GBP3: variants seen among roughly 807,000 people sequenced by gnomAD.
GBP3 encodes guanylate binding protein 3, also known as guanylate-binding protein 3.
A neutral mutation model predicts 62.4 loss-of-function variants in GBP3; 55 were observed. The observed-to-expected ratio is 0.88, with a 90% confidence interval of 0.71 to 1.10. The LOEUF (loss-of-function observed/expected upper bound fraction) is 1.10, where lower values mean the gene tolerates loss of function less well. Among genes scored for constraint, GBP3 ranks in the 50% least tolerant of loss-of-function variants. The probability of loss-of-function intolerance (pLI) is 0.00; values close to 1 mark genes in which losing one functional copy is unlikely to be tolerated. For synonymous variants in GBP3, 208 were observed against 259.2 expected (o/e 0.80, Z 1.90); for missense variants, 605 against 690.6 (o/e 0.88, Z 1.39).
Position 89,007,770 on chromosome 1 carries a change from A to G in GBP3, c.1742T>C (p.Leu581Pro), listed in dbSNP as rs114910977. The G allele has an allele frequency of 0.013, 20,373 of 1,608,236 alleles. 174 individuals carry two copies. The highest frequency in any genetic ancestry group is 0.015 in the Non-Finnish European group (18,200 of 1,177,268). Reference sequence around the variant, plus strand: ...CATATATCTCTTGGTTTTTTTTTTCAGGGTCTTCTGTAGCTTTTGTATCTC... The same window carrying G: ...CATATATCTCTTGGTTTTTTTTTTCGGGGTCTTCTGTAGCTTTTGTATCTC... ...QNEIQKLQKT[L>P]KKKTKRYMSH... Residue 581 changes from leucine to proline, a missense_variant, in exon 11 of 11, where the codon CTG becomes CCG. This residue lies in a region of GBP3 where 160 missense variants were observed against 147.8 expected (regional missense o/e 1.08). Transcript: ENST00000370481.
rs12089179 is a variant in GBP3, at chr1:89,007,370, G to C, written c.*354C>G. 515 of 191,716 alleles carry C rather than the reference G, an allele frequency of 2.7e-3. 7 individuals are homozygous for C. Among genetic ancestry groups the C allele is most frequent in the African/African-American group, 0.012 (498 of 42,290 alleles). 11.9% of individuals were successfully genotyped at this position (191,716 alleles called of 1,614,324 possible). ...TCTTCCCTAGGAAGCTAGGATGGTTGTTTCTGATATTGGGACCCATTGTAC... is the reference window on the plus strand; with the variant it reads ...TCTTCCCTAGGAAGCTAGGATGGTTCTTTCTGATATTGGGACCCATTGTAC... On this transcript the variant is annotated 3_prime_UTR_variant, in exon 11 of 11. Transcript: ENST00000370481.
intron 6 of GBP3, among the ~76,000 whole-genome samples, chr1:89,012,654 T>C (rs1256852636): frequency 7.2e-6 from 1 of 138,798 alleles, no homozygotes; most frequent in African/African-American, 2.5e-5. Flanking sequence ...GCTACTGTAC[T>C]GTACAGTGCA....
intron 2 of GBP3, among the ~76,000 whole-genome samples, chr1:89,015,744 TAAAA>T (rs58886103): frequency 1.2e-5 from 1 of 86,032 alleles, no homozygotes; most frequent in Non-Finnish European, 2.2e-5. Context: ...ACTCTTGTCT[TAAAA>T]AAAAAAAAAA....
intron 7 of GBP3, among the ~76,000 whole-genome samples, chr1:89,011,432 G>A (rs535037575): frequency 7.2e-6 from 1 of 139,742 alleles, no homozygotes; most frequent in Admixed American, 7.4e-5. Context: ...TAACTAAGAT[G>A]AAAATTTTCT....
chr1:89,009,116 G>A lies in GBP3; in HGVS notation c.1490C>T (p.Ala497Val). ...IEVECVKAES[A>V]QASAKMVEEM... Reference sequence around the variant, plus strand: ...CTCCACCATTTTTGCTGAAGCCTGTGCAGATTCAGCTTTTACACATTCCAC... The same window carrying A: ...CTCCACCATTTTTGCTGAAGCCTGTACAGATTCAGCTTTTACACATTCCAC... Residue 497 changes from alanine (A) to valine (V), a missense_variant, in exon 10 of 11, where the codon GCA (alanine) becomes GTA (valine). Ala to Val is a moderately conservative substitution (Grantham distance 64). Around this residue, in one of 3 missense-constraint regions of GBP3, gnomAD observed 160 missense variants for 147.8 expected, o/e 1.08. Transcript: ENST00000370481. The A allele has an allele frequency of 3.1e-6, 5 of 1,613,962 alleles. No individual in the cohort carries two copies. Among genetic ancestry groups the A allele is most frequent in the Non-Finnish European group, 4.2e-6 (5 of 1,179,954 alleles).
chr1:89,014,725 G>A, intron 3 of GBP3, 69 bp from the exon 4 acceptor site: 2 of 1,586,370 alleles, frequency 1.3e-6, no homozygotes, highest in African/African-American at 1.3e-5. Flanking sequence ...AGTGACAGTA[G>A]TAAAAGTATA....
At chr1:89,010,001 T>A (rs2101132912) in intron 8 of GBP3, among the ~76,000 whole-genome samples, 1 of 152,330 alleles carries the variant, frequency 6.6e-6, no homozygotes, top group East Asian at 1.9e-4. Context: ...ATCATTGGGT[T>A]TCTGTCTCTT....
intron 8 of GBP3, 141 bp from the exon 9 acceptor site, chr1:89,009,635 G>A (rs1678445731): frequency 4.2e-6 from 5 of 1,191,362 alleles, no homozygotes; most frequent in Admixed American, 2.6e-5. Context: ...CCTATCACAG[G>A]GCCAGATACA....
In GBP3 at chr1:89,009,426, G is replaced by C. The variant is rs572526442; in HGVS notation, c.1431C>G (p.Asp477Glu). The C allele has an allele frequency of 1.9e-6, 3 of 1,614,020 alleles. No individual in the cohort carries two copies. The African/African-American group carries it at 4.0e-5, about 22-fold the overall frequency. ...CCTTTTCCTTTTCTGTGAGAATCTG[G>C]TCTGTCTGTAGAATTGCATCGGTCA... The part of the protein sequence containing the change: ...ESVTDAILQT[D>E]QILTEKEKEI... The change falls in exon 9 of 11, where the codon GAC becomes GAG. Residue 477 changes from aspartate (D) to glutamate (E), a missense_variant. Asp to Glu is a conservative substitution (Grantham distance 45). Coordinates refer to ENST00000370481, the MANE Select transcript of GBP3 (RefSeq NM_018284.3).
At chr1:89,020,797 G>C in intron 1 of GBP3, 54 bp from the exon 2 acceptor site, 2 of 1,518,794 alleles carry the variant, frequency 1.3e-6, no homozygotes, top group Non-Finnish European at 1.8e-6. Flanking sequence ...GCATTTAGAG[G>C]ATAGAGTCAC....
chr1:89,022,493 C>G (rs1225672556), intron 1 of GBP3, among the ~76,000 whole-genome samples, 191 bp downstream of exon 1: 1 of 152,232 alleles, frequency 6.6e-6, no homozygotes, highest in Non-Finnish European at 1.5e-5. Flanking sequence ...CATGGTACTT[C>G]TGATAACACC....
rs1480487113 is a variant in GBP3 at position 89,007,586 on chromosome 1, C to T, written c.*138G>A. 3.8e-6 allele frequency: 3 copies of T among 784,540 alleles called. No individual in the cohort carries two copies. Among genetic ancestry groups the T allele is most frequent in the Non-Finnish European group, 6.2e-6 (3 of 487,644 alleles). The allele number at this position is 784,540 out of a possible 1,614,324, so 48.6% of individuals were successfully genotyped here. On this transcript the variant is annotated 3_prime_UTR_variant, in exon 11 of 11. Transcript: ENST00000370481. ...TTTAAGGAAAAAACATGATTTTGAT[C>T]ATTGAACTGCATGTTCTTGTAAACT...
At position 89,009,077 on chromosome 1, in the gene GBP3, T is replaced by A; in HGVS notation, c.1529A>T (p.Lys510Met). The A allele has an allele frequency of 6.2e-7, 1 of 1,614,130 alleles. No homozygotes were observed. The highest frequency in any genetic ancestry group is 1.1e-5 in the South Asian group (1 of 91,088). Residue 510 changes from lysine (K) to methionine (M), a missense_variant, in exon 10 of 11, where the codon AAG (lysine) becomes ATG (methionine). Transcript: ENST00000370481. ...TTTCTCTTCCATCATCTGCTGATAC[T>A]TTATTTGCATTTCCTCCACCATTTT... ...SAKMVEEMQI[K>M]YQQMMEEKEK...
chr1:89,013,399 A>G lies in GBP3; in HGVS notation c.654T>C (p.Asn218=), dbSNP rs981349445. 11 of 1,611,340 alleles carry G rather than the reference A, an allele frequency of 6.8e-6. No individual in the cohort carries two copies. Among genetic ancestry groups the G allele is most frequent in the Admixed American group, 1.7e-5 (1 of 59,404 alleles). The change falls in exon 6 of 11, where the codon AAT becomes AAC. Residue 218 remains asparagine, a synonymous_variant. Coordinates refer to ENST00000370481, the MANE Select transcript of GBP3 (RefSeq NM_018284.3). ...QGTSQKDKNF[N]LPRLCIRKFF... ...ACTTCCGGATACAGAGTCGGGGCAG[A>G]TTAAAATTTTTATCTTTTTGACTGG...
intron 2 of GBP3, among the ~76,000 whole-genome samples, chr1:89,016,591 T>A (rs558562661): frequency 6.6e-6 from 1 of 152,286 alleles, no homozygotes; most frequent in African/African-American, 2.4e-5. Flanking sequence ...TACAAAATTT[T>A]TTTTTTTTGG....
chr1:89,014,773 T>C, intron 3 of GBP3, 117 bp from the exon 4 acceptor site: 1 of 1,249,626 alleles, frequency 8.0e-7, no homozygotes, highest in Non-Finnish European at 1.1e-6. Context: ...TAATGACCTA[T>C]GAAAAGAACC....
intron 1 of GBP3, 97 bp from the exon 2 acceptor site, chr1:89,020,840 G>A: frequency 1.0e-6 from 1 of 977,370 alleles, no homozygotes; most frequent in Non-Finnish European, 1.5e-6. Flanking sequence ...AGTTTTGTGT[G>A]TGTCAGTGAG....
chr1:89,013,402 A>C lies in GBP3; in HGVS notation c.651T>G (p.Phe217Leu), dbSNP rs146047764. 6.2e-5 allele frequency: 100 copies of C among 1,611,600 alleles called. No individual in the cohort carries two copies. The African/African-American group carries it at 1.2e-3, about 19-fold the overall frequency. Residue 217 changes from phenylalanine to leucine, a missense_variant, in exon 6 of 11, where the codon TTT (phenylalanine) becomes TTG (leucine). By Grantham distance (22) the Phe-to-Leu change is conservative. This residue lies in a region of GBP3 where 308 missense variants were observed against 318.0 expected (regional missense o/e 0.97). Coordinates refer to ENST00000370481, the MANE Select transcript of GBP3 (RefSeq NM_018284.3). ...TQGTSQKDKN[F>L]NLPRLCIRKF... Reference sequence around the variant, plus strand: ...TCCGGATACAGAGTCGGGGCAGATTAAAATTTTTATCTTTTTGACTGGTAC... The same window carrying C: ...TCCGGATACAGAGTCGGGGCAGATTCAAATTTTTATCTTTTTGACTGGTAC...
chr1:89,017,348 T>C (rs1678939010), intron 2 of GBP3, among the ~76,000 whole-genome samples: 1 of 148,798 alleles, frequency 6.7e-6, no homozygotes, highest in Non-Finnish European at 1.5e-5. Flanking sequence ...GACTGTTAGC[T>C]TACACAATCC....
Sources: allele counts gnomAD v4.1 joint callset (sites outside exome capture counted in the v4.1 genomes callset), GRCh38; gene constraint gnomAD v4.1.1; regional missense constraint gnomAD v4.1.1; transcripts MANE v1.5; gene names NCBI Gene and HGNC (gene_info 2026-07-23, HGNC 2026-07-21).